The following CPZ variants were observed in gnomAD, a reference collection of about 807,000 sequenced individuals.
The protein encoded by CPZ is carboxypeptidase Z, also known as VEZT/CPZ fusion.
In CPZ, 103 loss-of-function variants were observed where a neutral mutation model predicts 61.8. The ratio of observed to expected loss-of-function variants is 1.67; its 90% confidence interval spans 1.42 to 1.96. CPZ has a LOEUF of 1.96. Ranked by LOEUF, CPZ falls within the 30% of genes most tolerant of loss-of-function variation. The probability of loss-of-function intolerance (pLI) is 0.00; values close to 1 mark genes in which losing one functional copy is unlikely to be tolerated. For missense variants in CPZ, 1,461 were observed against 914.9 expected (o/e 1.60, Z -7.70); for synonymous variants, 551 against 373.7 (o/e 1.47, Z -5.47).
At chr4:8,609,711 A>T (rs1715487945) in intron 7 of CPZ, among the ~76,000 whole-genome samples, 1 of 152,202 alleles carries the variant, frequency 6.6e-6, no homozygotes, top group Admixed American at 6.5e-5. Context: ...ATGTGAGAAG[A>T]CGTCCCCAGG....
rs1714550538 is a variant in CPZ at position 8,601,202 on chromosome 4, C to A, written c.201C>A (p.His67Gln). ...CCACCTTCCCCAACCTGCTTCAGCA[C>A]CGGTCGTGGGAGGTGGTGGAGGCCA... ...NHTTFPNLLQ[H>Q]RSWEVVEASS... The change falls in exon 3 of 11, where the codon CAC (histidine) becomes CAA (glutamine). Residue 67 changes from histidine to glutamine, a missense_variant. By Grantham distance (24) the His-to-Gln change is conservative. Coordinates refer to ENST00000360986, the MANE Select transcript of CPZ (RefSeq NM_001014447.3). 6.2e-7 allele frequency: 1 copy of A among 1,612,960 alleles called. No homozygotes were observed. The highest frequency in any genetic ancestry group is 8.5e-7 in the Non-Finnish European group (1 of 1,179,712).
intron 3 of CPZ, 82 bp downstream of exon 3, chr4:8,601,579 G>T: frequency 1.5e-6 from 2 of 1,361,176 alleles, no homozygotes; most frequent in Non-Finnish European, 1.9e-6. Context: ...GAAGGAACTT[G>T]AGGGCTTTTC....
intron 10 of CPZ, among the ~76,000 whole-genome samples, chr4:8,618,893 G>A (rs551881320): frequency 4.3e-4 from 66 of 152,306 alleles, no homozygotes; most frequent in Middle Eastern, 6.8e-3. Flanking sequence ...AGCCCTGTGC[G>A]GGCTCTGGCT....
At chr4:8,617,432 T>G (rs1716272328) in intron 9 of CPZ, among the ~76,000 whole-genome samples, 1 of 152,230 alleles carries the variant, frequency 6.6e-6, no homozygotes, top group Non-Finnish European at 1.5e-5. Context: ...CCTGACCCTG[T>G]GGGCCCAGGC....
chr4:8,597,200 C>T (rs3756172), intron 1 of CPZ, among the ~76,000 whole-genome samples: 19,908 of 152,126 alleles, frequency 0.13, 1,703 homozygotes, highest in Non-Finnish European at 0.19. Context: ...CTTTGCACAC[C>T]GGTGCTCGCT....
chr4:8,619,079 G>A (rs928202523), intron 10 of CPZ, among the ~76,000 whole-genome samples, 183 bp from the exon 11 acceptor site: 2 of 152,102 alleles, frequency 1.3e-5, no homozygotes, highest in African/African-American at 4.8e-5. Context: ...AGGGTTTTGA[G>A]GTATAAATAA....
chr4:8,606,046 AGATGCTCATCTAC>A lies in CPZ; in HGVS notation c.768_780del (p.Glu256AspfsTer2). On this transcript the variant is annotated frameshift_variant, in exon 5 of 11. Coordinates refer to ENST00000360986, the MANE Select transcript of CPZ (RefSeq NM_001014447.3). LOFTEE classifies it high-confidence loss of function. ...CATGGCAACGAGGTGGCGGGCCGGG[AGATGCTCATCTAC>A]CTAGCCCAGTACCTGTGCTCTGAGT... The A allele has an allele frequency of 6.2e-7, 1 of 1,614,062 alleles. No individual in the cohort carries two copies. The highest frequency in any genetic ancestry group is 1.1e-5 in the South Asian group (1 of 91,072).
chr4:8,605,623 CATCA>C (rs763638248), intron 4 of CPZ, among the ~76,000 whole-genome samples: 1 of 111,624 alleles, frequency 9.0e-6, no homozygotes, highest in East Asian at 2.6e-4. Context: ...TCCATCCATC[CATCA>C]TTGATATATC....
intron 3 of CPZ, chr4:8,602,677 T>C (rs183074818): frequency 1.1e-4 from 17 of 152,354 alleles, no homozygotes; most frequent in African/African-American, 4.1e-4. Flanking sequence ...AGGGATGGAT[T>C]TGGCCATTTG....
chr4:8,607,490 G>C, intron 7 of CPZ, 65 bp downstream of exon 7: 1 of 1,559,802 alleles, frequency 6.4e-7, no homozygotes, highest in East Asian at 2.3e-5. Flanking sequence ...TGGAGCTGGT[G>C]CCCCTCCAGT....
At position 8,612,107 on chromosome 4, in the gene CPZ, T is replaced by C. The variant is rs1203712229; in HGVS notation, c.1308T>C (p.Asn436=). The C allele has an allele frequency of 1.2e-6, 2 of 1,611,724 alleles. No homozygotes were observed. The highest frequency in any genetic ancestry group is 1.7e-6 in the Non-Finnish European group (2 of 1,179,278). Residue 436 remains asparagine (N), a synonymous_variant, in exon 8 of 11, where the codon AAT becomes AAC. Coordinates refer to ENST00000360986, the MANE Select transcript of CPZ (RefSeq NM_001014447.3). ...GGTCGGAGAATAGGTGTGGAGGCAA[T>C]TTCCTGAAGAGGGGGAGCATCATCA... The part of the protein sequence containing the change: ...MDRSENRCGG[N]FLKRGSIING...
chr4:8,616,307 C>T (rs553260366), intron 9 of CPZ, among the ~76,000 whole-genome samples: 25 of 152,268 alleles, frequency 1.6e-4, no homozygotes, highest in Admixed American at 1.2e-3. Flanking sequence ...TGGCAGCTCT[C>T]TTTCCCCACC....
chr4:8,594,582 C>G (rs546301953), intron 1 of CPZ, among the ~76,000 whole-genome samples: 2 of 152,142 alleles, frequency 1.3e-5, no homozygotes, highest in African/African-American at 4.8e-5. Context: ...GGAGGACTGA[C>G]GGGCTGTCAC....
At position 8,606,800 on chromosome 4, in the gene CPZ, A is replaced by C. The variant is rs1715053315; in HGVS notation, c.970A>C (p.Asn324His). 1.2e-6 allele frequency: 2 copies of C among 1,613,996 alleles called. No individual in the cohort carries two copies. The highest frequency in any genetic ancestry group is 2.2e-5 in the East Asian group (1 of 44,886). ...QNAQNLDLNR[N>H]FPDLTSEYYR... ...CGCGCAGAACCTGGATCTGAACCGA[A>C]ATTTCCCGGACCTGACGTCCGAGTA... Residue 324 changes from asparagine to histidine, a missense_variant, in exon 6 of 11, where the codon AAT (asparagine) becomes CAT (histidine). By Grantham distance (68) the Asn-to-His change is moderately conservative. Transcript: ENST00000360986.
intron 1 of CPZ, among the ~76,000 whole-genome samples, chr4:8,596,294 C>T (rs1031147948): frequency 1.3e-5 from 2 of 152,382 alleles, no homozygotes; most frequent in African/African-American, 4.8e-5. Context: ...TCGTGATTCA[C>T]CCGCCTAGGC....
At chr4:8,613,995 C>T (rs1715934821) in intron 8 of CPZ, among the ~76,000 whole-genome samples, 1 of 152,266 alleles carries the variant, frequency 6.6e-6, no homozygotes, top group African/African-American at 2.4e-5. Flanking sequence ...CCAGAGACAG[C>T]ATGGGGGTGG....
At chr4:8,615,824 G>T (rs953987201) in intron 9 of CPZ, among the ~76,000 whole-genome samples, 1 of 152,180 alleles carries the variant, frequency 6.6e-6, no homozygotes, top group South Asian at 2.1e-4. Context: ...CTCCAAGTAA[G>T]AATCGAGCGA....
chr4:8,614,293 C>T, intron 8 of CPZ, 66 bp from the exon 9 acceptor site: 1 of 1,517,512 alleles, frequency 6.6e-7, no homozygotes, highest in Non-Finnish European at 8.9e-7. Flanking sequence ...CGGCTGACAC[C>T]CCTGACGTCC....
intron 6 of CPZ, 51 bp downstream of exon 6, chr4:8,606,949 C>T (rs554963321): frequency 6.5e-7 from 1 of 1,531,228 alleles, no homozygotes; most frequent in Admixed American, 2.0e-5. Context: ...TCCAGGGGTC[C>T]CTAGTTATTC....
Sources: gnomAD v4.1 joint callset for allele counts (sites outside exome capture counted in the v4.1 genomes callset) on GRCh38, gnomAD v4.1.1 for gene constraint, MANE v1.5 for transcripts, NCBI Gene and HGNC (gene_info 2026-07-23, HGNC 2026-07-21) for gene names.